The following RANBP2 variants were observed in gnomAD, a reference collection of about 807,000 sequenced individuals.
RANBP2 encodes the protein E3 SUMO-protein ligase RanBP2.
Under a neutral mutation model 303.6 loss-of-function variants are expected in RANBP2, and 57 were observed. That is an observed-to-expected ratio of 0.19 (90% CI 0.15 to 0.23). The LOEUF (loss-of-function observed/expected upper bound fraction) is 0.23, where lower values mean the gene tolerates loss of function less well. Among genes scored for constraint, RANBP2 ranks in the 10% least tolerant of loss-of-function variants. RANBP2 has a pLI of 1.00. For missense variants in RANBP2, 3,138 were observed against 3,780.8 expected, an observed-to-expected ratio of 0.83 and a Z score of 4.46; for synonymous variants, 1,167 against 1,301.5, an observed-to-expected ratio of 0.90 and a Z score of 2.23.
the RANBP2 span, among the ~76,000 whole-genome samples, chr2:109,595,918 T>TAA: frequency 6.6e-6 from 1 of 152,220 alleles, no homozygotes; most frequent in Non-Finnish European, 1.5e-5. Flanking sequence ...ATTCCGGACC[T>TAA]AACATACTAC....
At chr2:109,465,930 C>T in the RANBP2 span, among the ~76,000 whole-genome samples, 1 of 152,158 alleles carries the variant, frequency 6.6e-6, no homozygotes, top group Non-Finnish European at 1.5e-5. Context: ...TCCGTCCCCA[C>T]GATCCAGTCA....
At chr2:109,259,070 C>T in the RANBP2 span, among the ~76,000 whole-genome samples, 1 of 152,242 alleles carries the variant, frequency 6.6e-6, no homozygotes, top group Non-Finnish European at 1.5e-5. Context: ...CCCTAGTTTC[C>T]ATTTGGCTTC....
chr2:109,544,886 T>A, the RANBP2 span: 1 of 901,868 alleles, frequency 1.1e-6, no homozygotes, highest in Non-Finnish European at 1.3e-6. Context: ...TTGGAGAGCT[T>A]GCATTGAAAG....
chr2:109,034,358 T>C, the RANBP2 span, among the ~76,000 whole-genome samples: 1 of 151,742 alleles, frequency 6.6e-6, no homozygotes, highest in South Asian at 2.1e-4. Context: ...AAACTATTTA[T>C]GGGACTATTG....
the RANBP2 span, among the ~76,000 whole-genome samples, chr2:109,291,337 T>C: frequency 6.6e-6 from 1 of 151,712 alleles, no homozygotes. Context: ...TTCAGTGTTC[T>C]ACATGCAGCT....
chr2:109,493,972 T>G, the RANBP2 span, among the ~76,000 whole-genome samples: 1 of 152,194 alleles, frequency 6.6e-6, no homozygotes, highest in African/African-American at 2.4e-5. Context: ...CCTCCCTTCA[T>G]GGGACCAACA....
the RANBP2 span, among the ~76,000 whole-genome samples, chr2:109,726,093 G>GTGTGTGTGTT: frequency 2.0e-5 from 3 of 150,958 alleles, no homozygotes; most frequent in Admixed American, 6.6e-5. Context: ...GTGTGTGTGT[G>GTGTGTGTGTT]TGTGTTTGTG....
chr2:108,871,598 A>G, the RANBP2 span, among the ~76,000 whole-genome samples: 2 of 151,998 alleles, frequency 1.3e-5, no homozygotes, highest in African/African-American at 4.8e-5. Context: ...GATAAAAAAC[A>G]TTGTCCCATT....
the RANBP2 span, among the ~76,000 whole-genome samples, chr2:109,305,658 A>G: frequency 6.6e-6 from 1 of 152,208 alleles, no homozygotes; most frequent in Non-Finnish European, 1.5e-5. Context: ...TGCACTCAGC[A>G]TTCGCTCAGT....
chr2:108,787,125 C>G (rs1444656147), downstream of RANBP2, among the ~76,000 whole-genome samples: 1 of 152,182 alleles, frequency 6.6e-6, no homozygotes, highest in Non-Finnish European at 1.5e-5. Context: ...ACCTATGCCT[C>G]TGTGTTCCTG....
the RANBP2 span, among the ~76,000 whole-genome samples, chr2:109,556,399 A>G: frequency 6.6e-6 from 1 of 152,236 alleles, no homozygotes; most frequent in African/African-American, 2.4e-5. Context: ...AACTGGAGAC[A>G]TTAAGCTTTT....
At chr2:109,415,876 G>T in the RANBP2 span, among the ~76,000 whole-genome samples, 1,448 of 152,278 alleles carry the variant, frequency 9.5e-3, 20 homozygotes, top group East Asian at 0.05. Flanking sequence ...GCACTGAGAG[G>T]TGGGGCCTTT....
the RANBP2 span, among the ~76,000 whole-genome samples, chr2:109,689,736 A>T: frequency 6.6e-6 from 1 of 152,190 alleles, no homozygotes; most frequent in East Asian, 1.9e-4. Flanking sequence ...TTCTAAAAGC[A>T]TAGTCAAGCA....
the RANBP2 span, among the ~76,000 whole-genome samples, chr2:109,712,043 G>A: frequency 4.6e-5 from 7 of 152,206 alleles, no homozygotes; most frequent in Non-Finnish European, 1.0e-4. Context: ...AGCTCGGGAA[G>A]AGGATGTTTT....
At chr2:108,783,407 A>G (rs1295205425) in intron 28 of RANBP2, among the ~76,000 whole-genome samples, 189 bp from the exon 29 acceptor site, 2 of 150,964 alleles carry the variant, frequency 1.3e-5, no homozygotes, top group Non-Finnish European at 1.5e-5. Context: ...AAGGGATGGG[A>G]AAAACCTTTT....
At position 108,735,624 on chromosome 2, in the gene RANBP2, T is replaced by C. The variant is rs1695514625; in HGVS notation, c.498T>C (p.His166=). Residue 166 remains histidine (H), a synonymous_variant, in exon 5 of 29, where the codon CAT becomes CAC. Coordinates refer to ENST00000283195, the MANE Select transcript of RANBP2 (RefSeq NM_006267.5). The part of the protein sequence containing the change: ...SELYVRPDDV[H]VNIRLVEVYR... ...TTTATGTAAGACCTGATGACGTCCA[T>C]GTGAACATCCGGCTAGTGGAGGTGT... The C allele has an allele frequency of 6.3e-7, 1 of 1,597,616 alleles. No homozygotes were observed. Among genetic ancestry groups the C allele is most frequent in the Non-Finnish European group, 8.5e-7 (1 of 1,179,786 alleles).
the RANBP2 span, among the ~76,000 whole-genome samples, chr2:109,509,208 C>G: frequency 2.6e-4 from 40 of 152,210 alleles, no homozygotes; most frequent in Non-Finnish European, 4.6e-4. Context: ...GAGGACCCAC[C>G]TCATGTATTC....
chr2:109,492,616 C>T, the RANBP2 span, among the ~76,000 whole-genome samples: 2 of 152,166 alleles, frequency 1.3e-5, no homozygotes, highest in African/African-American at 4.8e-5. Context: ...AATCAGTTAT[C>T]CTCGTTTTAC....
At chr2:108,968,119 T>C in the RANBP2 span, among the ~76,000 whole-genome samples, 1 of 152,154 alleles carries the variant, frequency 6.6e-6, no homozygotes, top group African/African-American at 2.4e-5. Flanking sequence ...CACCTGATTT[T>C]CACAGCCACC....
Sources: gnomAD v4.1 joint callset for allele counts (sites outside exome capture counted in the v4.1 genomes callset) on GRCh38, gnomAD v4.1.1 for gene constraint, MANE v1.5 for transcripts, NCBI Gene and HGNC (gene_info 2026-07-23, HGNC 2026-07-21) for gene names.